MAGI1: variants seen among roughly 807,000 people sequenced by gnomAD.
The protein encoded by MAGI1 is membrane associated guanylate kinase, WW and PDZ domain containing 1.
Under a neutral mutation model 139.9 loss-of-function variants are expected in MAGI1, and 58 were observed. The observed-to-expected ratio is 0.41, with a 90% CI of 0.34 to 0.52. MAGI1 has a LOEUF of 0.52. Ranked by LOEUF, MAGI1 falls within the 20% of genes least tolerant of loss-of-function variation. The pLI is 0.12. For missense variants in MAGI1, 1,874 were observed against 1,901.6 expected (o/e 0.99, Z 0.27); for synonymous variants, 812 against 737.9 (o/e 1.10, Z -1.63).
At chr3:66,027,046 G>A (rs1005758329) in intron 1 of MAGI1, among the ~76,000 whole-genome samples, 2 of 151,804 alleles carry the variant, frequency 1.3e-5, no homozygotes, top group African/African-American at 2.4e-5. Flanking sequence ...GAGGCGGGCG[G>A]ATCACAAGGT....
chr3:66,032,728 C>A (rs1279035392), intron 1 of MAGI1, among the ~76,000 whole-genome samples: 4 of 151,376 alleles, frequency 2.6e-5, no homozygotes, highest in Non-Finnish European at 5.9e-5. Context: ...CCAGCCTGGG[C>A]AACATGGCGA....
At chr3:65,689,214 C>T (rs1031805899) in intron 1 of MAGI1, among the ~76,000 whole-genome samples, 1 of 152,168 alleles carries the variant, frequency 6.6e-6, no homozygotes, top group East Asian at 1.9e-4. Flanking sequence ...TAAAGCATTC[C>T]ACCTTACTGC....
chr3:66,026,377 A>C (rs1373953076), intron 1 of MAGI1, among the ~76,000 whole-genome samples: 3 of 152,158 alleles, frequency 2.0e-5, no homozygotes, highest in Non-Finnish European at 2.9e-5. Context: ...ATCACGGAAA[A>C]GTCAGACATA....
At chr3:65,801,014 C>A (rs1320157962) in intron 1 of MAGI1, among the ~76,000 whole-genome samples, 2 of 152,190 alleles carry the variant, frequency 1.3e-5, no homozygotes, top group African/African-American at 4.8e-5. Flanking sequence ...GAAGTTCCTA[C>A]TTAGTTCTTC....
At chr3:65,665,349 T>G (rs1415038802) in intron 1 of MAGI1, among the ~76,000 whole-genome samples, 1 of 152,146 alleles carries the variant, frequency 6.6e-6, no homozygotes. Flanking sequence ...ACATCTATAG[T>G]GCATGATGAG....
chr3:65,410,985 G>A (rs1945750641), intron 12 of MAGI1, among the ~76,000 whole-genome samples: 1 of 152,130 alleles, frequency 6.6e-6, no homozygotes, highest in South Asian at 2.1e-4. Flanking sequence ...TATGGAATGA[G>A]TCAGAAGTGG....
intron 1 of MAGI1, among the ~76,000 whole-genome samples, chr3:66,012,280 G>A (rs1394562467): frequency 5.3e-5 from 8 of 151,502 alleles, no homozygotes; most frequent in Non-Finnish European, 1.0e-4. Flanking sequence ...TTTAGCAGAG[G>A]GCAAATAAAA....
At chr3:65,499,899 C>A (rs1205676295) in intron 2 of MAGI1, among the ~76,000 whole-genome samples, 1 of 152,052 alleles carries the variant, frequency 6.6e-6, no homozygotes, top group Non-Finnish European at 1.5e-5. Context: ...CTCTCATGCT[C>A]CAAATGGTAT....
intron 1 of MAGI1, among the ~76,000 whole-genome samples, chr3:65,780,787 G>T (rs953321182): frequency 6.6e-6 from 1 of 152,196 alleles, no homozygotes; most frequent in African/African-American, 2.4e-5. Context: ...ACAGAAGGGG[G>T]TTGATGAGAA....
chr3:65,749,170 T>G (rs951083734), intron 1 of MAGI1, among the ~76,000 whole-genome samples: 2 of 152,146 alleles, frequency 1.3e-5, no homozygotes, highest in Admixed American at 1.3e-4. Flanking sequence ...CACTCAGTGG[T>G]AGCCAGCAAA....
chr3:65,527,669 G>A (rs1012396424), intron 2 of MAGI1, among the ~76,000 whole-genome samples: 1 of 152,160 alleles, frequency 6.6e-6, no homozygotes, highest in African/African-American at 2.4e-5. Flanking sequence ...AGCTTGCAGT[G>A]AGCCGAGATT....
chr3:65,589,455 A>G lies in MAGI1; in HGVS notation c.430+32517T>C, dbSNP rs985835700. On this transcript the variant is annotated intron_variant, in intron 2 of 22. Coordinates refer to ENST00000402939, the MANE Select transcript of MAGI1 (RefSeq NM_001033057.2). Reference sequence around the variant, plus strand: ...CCTTGCACTTCCTGCTCCAGTATTCACCAAGTCCTTTCTCTCCCTAAATAT... The same window carrying G: ...CCTTGCACTTCCTGCTCCAGTATTCGCCAAGTCCTTTCTCTCCCTAAATAT... 3.5e-4 allele frequency among the ~76,000 whole-genome samples: 53 copies of G among 151,916 alleles called. 2 individuals carry two copies. Among genetic ancestry groups the G allele is most frequent in the Admixed American group, 2.6e-4 (4 of 15,256 alleles).
At chr3:65,917,238 C>A (rs972489569) in intron 1 of MAGI1, among the ~76,000 whole-genome samples, 1 of 152,078 alleles carries the variant, frequency 6.6e-6, no homozygotes, top group Non-Finnish European at 1.5e-5. Context: ...AAAATAAAAC[C>A]AACAATGAGA....
chr3:65,914,672 C>T (rs1014608409), intron 1 of MAGI1, among the ~76,000 whole-genome samples: 1 of 152,184 alleles, frequency 6.6e-6, no homozygotes, highest in Non-Finnish European at 1.5e-5. Flanking sequence ...TAATGTTCGA[C>T]AAATGCCTAA....
At chr3:65,714,927 C>T (rs1406020750) in intron 1 of MAGI1, among the ~76,000 whole-genome samples, 4 of 152,098 alleles carry the variant, frequency 2.6e-5, no homozygotes, top group Non-Finnish European at 5.9e-5. Flanking sequence ...GTGTCTTGCT[C>T]TCCCCGAAAC....
At chr3:65,520,061 C>T (rs747696510) in intron 2 of MAGI1, among the ~76,000 whole-genome samples, 1 of 152,154 alleles carries the variant, frequency 6.6e-6, no homozygotes, top group Non-Finnish European at 1.5e-5. Context: ...CAACAACCAG[C>T]ACAGCTTTGC....
chr3:65,946,421 T>C (rs1480506685), intron 1 of MAGI1, among the ~76,000 whole-genome samples: 1 of 152,224 alleles, frequency 6.6e-6, no homozygotes, highest in African/African-American at 2.4e-5. Flanking sequence ...TATTAAAACT[T>C]TGCTTACATC....
intron 1 of MAGI1, among the ~76,000 whole-genome samples, chr3:65,665,337 T>C (rs1431689508): frequency 6.6e-6 from 1 of 152,130 alleles, no homozygotes; most frequent in Non-Finnish European, 1.5e-5. Context: ...ATTGCCAAGG[T>C]AACATCTATA....
intron 1 of MAGI1, among the ~76,000 whole-genome samples, chr3:65,857,083 C>T (rs558095175): frequency 1.3e-5 from 2 of 152,310 alleles, no homozygotes; most frequent in African/African-American, 2.4e-5. Context: ...CCACTGCACA[C>T]GCACAGGCTA....
Sources: allele counts gnomAD v4.1 joint callset (sites outside exome capture counted in the v4.1 genomes callset), GRCh38; gene constraint gnomAD v4.1.1; transcripts MANE v1.5; gene names NCBI Gene and HGNC (gene_info 2026-07-23, HGNC 2026-07-21).